Variants in ANO1 observed in about 807,000 individuals in gnomAD.
The protein encoded by ANO1 is anoctamin-1.
A neutral mutation model predicts 124.0 loss-of-function variants in ANO1; 59 were observed. The observed-to-expected ratio is 0.48, with a 90% CI of 0.39 to 0.59. ANO1 has a LOEUF of 0.59. ANO1 is among the 20% of genes least tolerant of loss of function. The pLI, the probability that ANO1 is intolerant of heterozygous loss-of-function variation, is 0.00. For synonymous variants in ANO1, 529 were observed against 532.0 expected, an observed-to-expected ratio of 0.99 and a Z score of 0.08; for missense variants, 1,059 against 1,328.0, an observed-to-expected ratio of 0.80 and a Z score of 3.15.
chr11:70,137,925 G>A (rs1230075507), intron 11 of ANO1, among the ~76,000 whole-genome samples: 1 of 148,108 alleles, frequency 6.8e-6, no homozygotes, highest in Non-Finnish European at 1.5e-5. Context: ...GCTGTTAAAA[G>A]TGAGCTGTTG....
intron 14 of ANO1, 44 bp from the exon 15 acceptor site, chr11:70,155,867 C>G: frequency 6.7e-7 from 1 of 1,500,976 alleles, no homozygotes; most frequent in Non-Finnish European, 8.9e-7. Context: ...GGTGCCGCCT[C>G]CCACTTCACC....
intron 6 of ANO1, chr11:70,111,231 A>C (rs2045767623): frequency 2.2e-6 from 1 of 459,732 alleles, no homozygotes. Context: ...ATCAACCTAA[A>C]ATCTAATTCC....
At chr11:70,026,131 G>C (rs374084387) in intron 1 of ANO1, among the ~76,000 whole-genome samples, 23 of 149,696 alleles carry the variant, frequency 1.5e-4, no homozygotes, top group African/African-American at 5.7e-4. Flanking sequence ...TGGTGCTGGT[G>C]GTAGTGGTGA....
intron 3 of ANO1, 120 bp from the exon 4 acceptor site, chr11:70,103,879 C>G (rs565564301): frequency 1.1e-4 from 123 of 1,133,212 alleles, no homozygotes; most frequent in South Asian, 7.0e-4. Context: ...CCCAGGTGCT[C>G]TGCTCTCAGG....
At chr11:69,987,823 G>T (rs912204357) in intron 1 of ANO1, among the ~76,000 whole-genome samples, 2 of 152,170 alleles carry the variant, frequency 1.3e-5, no homozygotes, top group Non-Finnish European at 2.9e-5. Context: ...CATGGGTCAT[G>T]TCTCAGATGT....
chr11:69,979,524 A>T, the ANO1 span, among the ~76,000 whole-genome samples: 4 of 152,198 alleles, frequency 2.6e-5, no homozygotes, highest in African/African-American at 7.2e-5. Flanking sequence ...GACAACAGAG[A>T]TAAAAATAAT....
Position 70,186,734 on chromosome 11 carries a change from G to A in ANO1, c.2695-1004G>A, listed in dbSNP as rs1443761521. Among the ~76,000 whole-genome samples the A allele has an allele frequency of 3.9e-5, 6 of 152,318 alleles. 1 individual carries two copies. In the South Asian group the frequency reaches 1.2e-3, roughly 32 times the overall value. ...TCCCTCTAGTCTCGATTAAGTCGAT[G>A]CTAGGAAGGCAGTGGGCCAAGGGCT... On this transcript the variant is annotated intron_variant, in intron 25 of 25. Transcript: ENST00000355303.
intron 1 of ANO1, among the ~76,000 whole-genome samples, chr11:69,995,875 G>T (rs1323252431): frequency 3.3e-5 from 5 of 152,204 alleles, no homozygotes; most frequent in Admixed American, 3.3e-4. Flanking sequence ...GGGAGGCAGA[G>T]GTGGAGGCGG....
chr11:70,156,092 A>C, intron 15 of ANO1, 104 bp downstream of exon 15: 1 of 1,144,580 alleles, frequency 8.7e-7, no homozygotes, highest in Non-Finnish European at 1.2e-6. Context: ...TTTTTTTAAC[A>C]TTCACATCCG....
chr11:70,031,289 A>G (rs898417499), intron 1 of ANO1, among the ~76,000 whole-genome samples: 4 of 152,214 alleles, frequency 2.6e-5, no homozygotes, highest in African/African-American at 9.7e-5. Context: ...GTATCATCAA[A>G]TCAAGCTAAT....
At chr11:70,005,794 C>T (rs7101893) in intron 1 of ANO1, among the ~76,000 whole-genome samples, 73,855 of 151,954 alleles carry the variant, frequency 0.49, 19,253 homozygotes, top group East Asian at 0.89. Context: ...ACCACCAAAG[C>T]TGTGGCTTTT....
At chr11:70,130,771 G>T (rs970630887) in intron 10 of ANO1, among the ~76,000 whole-genome samples, 41 of 152,082 alleles carry the variant, frequency 2.7e-4, no homozygotes, top group African/African-American at 8.7e-4. Context: ...TCCCTGGCAG[G>T]CCCCCCCGGC....
the ANO1 span, among the ~76,000 whole-genome samples, chr11:69,972,668 G>A: frequency 4.6e-5 from 7 of 152,120 alleles, no homozygotes; most frequent in African/African-American, 1.4e-4. Flanking sequence ...GCCTGGAGAC[G>A]TAGTTCACAA....
At chr11:70,085,786 C>A in intron 1 of ANO1, 1 of 1,274,556 alleles carries the variant, frequency 7.8e-7, no homozygotes, top group Non-Finnish European at 1.0e-6. Context: ...CACTGCAGTG[C>A]TGACTGTTTG....
intron 7 of ANO1, 68 bp from the exon 8 acceptor site, chr11:70,116,390 T>C: frequency 1.4e-6 from 2 of 1,447,430 alleles, no homozygotes; most frequent in Non-Finnish European, 1.9e-6. Flanking sequence ...TTTTGAAACA[T>C]AATGGATGTG....
intron 12 of ANO1, 146 bp downstream of exon 12, chr11:70,149,938 C>A: frequency 1.2e-6 from 1 of 808,924 alleles, no homozygotes; most frequent in Non-Finnish European, 2.1e-6. Context: ...CCCCCACCCC[C>A]TGCCTGCCTC....
intron 1 of ANO1, among the ~76,000 whole-genome samples, chr11:70,080,024 C>A (rs1305027781): frequency 2.6e-5 from 4 of 152,224 alleles, no homozygotes; most frequent in Non-Finnish European, 5.9e-5. Context: ...TTGATCAAAG[C>A]CATGTGCCAG....
At chr11:70,172,132 A>AAAAAAAAAG (rs111814625) in intron 22 of ANO1, among the ~76,000 whole-genome samples, 22 of 141,658 alleles carry the variant, frequency 1.6e-4, no homozygotes, top group Non-Finnish European at 2.6e-4. Flanking sequence ...AAAAAAAAAA[A>AAAAAAAAAG]AAAAGAAAAG....
intron 1 of ANO1, among the ~76,000 whole-genome samples, chr11:69,990,666 T>C (rs1376471024): frequency 6.6e-6 from 1 of 152,222 alleles, no homozygotes; most frequent in East Asian, 1.9e-4. Context: ...TATATACTGT[T>C]TAATTACAGC....
Sources: gnomAD v4.1 joint callset for allele counts (sites outside exome capture counted in the v4.1 genomes callset) on GRCh38, gnomAD v4.1.1 for gene constraint, MANE v1.5 for transcripts, NCBI Gene and HGNC (gene_info 2026-07-23, HGNC 2026-07-21) for gene names.